LHX4: variants seen among roughly 807,000 people sequenced by gnomAD.
LHX4 encodes the protein LIM/homeobox protein Lhx4.
In LHX4, 16 loss-of-function variants were observed where a neutral mutation model predicts 39.2. That is an observed-to-expected ratio of 0.41 (90% confidence interval 0.28 to 0.62). The LOEUF is 0.62. Ranked by LOEUF, LHX4 falls within the 20% of genes least tolerant of loss-of-function variation. The pLI is 0.33. For synonymous variants in LHX4, 206 were observed against 198.1 expected (o/e 1.04, Z -0.33); for missense variants, 439 against 511.9 (o/e 0.86, Z 1.37).
rs1285649783 is a variant in LHX4 at position 180,255,380 on chromosome 1, ACACACACG to A, written c.248+6934_248+6941del. Among the ~76,000 whole-genome samples, 12 of 152,214 alleles carry A rather than the reference ACACACACG, an allele frequency of 7.9e-5. 1 individual carries two copies. The East Asian group carries it at 1.2e-3, about 15-fold the overall frequency. The stretch of plus-strand genomic sequence containing the variant: ...TGTATACACGCACACACACATGCAT[ACACACACG>A]CACACACGCGTGCACACACATGCAC... On this transcript the variant is annotated intron_variant, in intron 2 of 5. Coordinates refer to ENST00000263726, the MANE Select transcript of LHX4 (RefSeq NM_033343.4).
intron 2 of LHX4, among the ~76,000 whole-genome samples, chr1:180,252,648 T>C (rs928486848): frequency 6.6e-6 from 1 of 152,146 alleles, no homozygotes; most frequent in East Asian, 1.9e-4. Flanking sequence ...GGGGGCATCC[T>C]CCTGTCATAT....
At position 180,234,661 on chromosome 1, in the gene LHX4, A is replaced by G. The variant is rs1029299848; in HGVS notation, c.76+4056A>G. 6.6e-6 allele frequency among the ~76,000 whole-genome samples: 1 copy of G among 152,248 alleles called. No individual in the cohort carries two copies. Among genetic ancestry groups the G allele is most frequent in the African/African-American group, 2.4e-5 (1 of 41,478 alleles). Reference sequence around the variant, plus strand: ...TGTTAAAGCCGGACACGGAGCACGCAGGTGCAGCAGGTGAGGGGCAAAGGT... The same window carrying G: ...TGTTAAAGCCGGACACGGAGCACGCGGGTGCAGCAGGTGAGGGGCAAAGGT... On this transcript the variant is annotated intron_variant, in intron 1 of 5. Coordinates refer to ENST00000263726, the MANE Select transcript of LHX4 (RefSeq NM_033343.4). The surrounding 1 kb of genome is among the most constrained non-coding windows in gnomAD (Gnocchi z 4.8).
intron 2 of LHX4, among the ~76,000 whole-genome samples, chr1:180,254,112 G>A (rs989076395): frequency 1.3e-5 from 2 of 152,218 alleles, no homozygotes; most frequent in African/African-American, 4.8e-5. Context: ...TTCAAGCTGT[G>A]CCCCCAGCCA....
chr1:180,233,090 G>A, intron 1 of LHX4, among the ~76,000 whole-genome samples: 1 of 152,228 alleles, frequency 6.6e-6, no homozygotes, highest in East Asian at 1.9e-4. Context: ...GGGCATTTTA[G>A]AAGAAGTGAT....
intron 1 of LHX4, among the ~76,000 whole-genome samples, chr1:180,237,376 T>A (rs1664349291): frequency 6.6e-6 from 1 of 152,178 alleles, no homozygotes; most frequent in Non-Finnish European, 1.5e-5. Context: ...AGAAATCAAC[T>A]AAAATTAGAT....
At position 180,252,177 on chromosome 1, in the gene LHX4, G is replaced by A. The variant is rs10913954; in HGVS notation, c.248+3721G>A. On this transcript the variant is annotated intron_variant, in intron 2 of 5. Transcript: ENST00000263726. Reference sequence around the variant, plus strand: ...TGCTCCTCATCCCATCTCATTAGATGTCACCAGGCACCTCTTTCAGAGGGC... The same window carrying A: ...TGCTCCTCATCCCATCTCATTAGATATCACCAGGCACCTCTTTCAGAGGGC... Among the ~76,000 whole-genome samples, 943 of 152,310 alleles carry A rather than the reference G, an allele frequency of 6.2e-3. 10 individuals carry two copies. Among genetic ancestry groups the A allele is most frequent in the African/African-American group, 0.021 (891 of 41,550 alleles).
At chr1:180,265,258 A>G (rs1192932231) in intron 2 of LHX4, among the ~76,000 whole-genome samples, 1 of 152,178 alleles carries the variant, frequency 6.6e-6, no homozygotes, top group African/African-American at 2.4e-5. Context: ...GAAGAAGATA[A>G]AGTTCTGCTG....
At chr1:180,230,217 A>AGGGGGAGGGGGAAGGAGCGGGC (rs1664141329), upstream of LHX4, 10 of 414,020 alleles carry the variant, frequency 2.4e-5, no homozygotes, top group South Asian at 2.4e-4. This position sits in a 1 kb window ranked among gnomAD's most constrained non-coding sequence, Gnocchi z 5.8. Context: ...CGAAGGGTGG[A>AGGGGGAGGGGGAAGGAGCGGGC]GGGGGAGGGG....
upstream of LHX4, among the ~76,000 whole-genome samples, chr1:180,229,275 G>A (rs1249928043): frequency 2.6e-5 from 4 of 152,252 alleles, no homozygotes; most frequent in Non-Finnish European, 5.9e-5. Flanking sequence ...GGCAGAGCGG[G>A]CTCTAGGGAC....
rs6425616 is a variant in LHX4, at chr1:180,232,049, A to G, written c.76+1444A>G. ...GAGTTTACCGCTAAGATGTTTTCAT[A>G]GAAGGCATTGGAGATTCACTACGCC... On this transcript the variant is annotated intron_variant, in intron 1 of 5. Transcript: ENST00000263726. This position sits in a 1 kb window ranked among gnomAD's most constrained non-coding sequence, Gnocchi z 5.4. Among the ~76,000 whole-genome samples, 63,253 of 152,076 alleles carry G rather than the reference A, an allele frequency of 0.42. 13,540 individuals carry two copies. Among genetic ancestry groups the G allele is most frequent in the African/African-American group, 0.46 (18,885 of 41,460 alleles).
chr1:180,230,552 C>A lies in LHX4; in HGVS notation c.23C>A (p.Pro8His), dbSNP rs370108347. The A allele has an allele frequency of 1.9e-6, 3 of 1,613,966 alleles. No individual in the cohort carries two copies. Among genetic ancestry groups the A allele is most frequent in the Admixed American group, 3.3e-5 (2 of 60,020 alleles). The part of the protein sequence containing the change: MMQSATV[P>H]AEGAVKGLPE... Reference sequence around the variant, plus strand: ...GAGATGATGCAGAGTGCGACTGTCCCCGCGGAAGGGGCTGTCAAGGGGCTC... The same window carrying A: ...GAGATGATGCAGAGTGCGACTGTCCACGCGGAAGGGGCTGTCAAGGGGCTC... The change falls in exon 1 of 6, where the codon CCC becomes CAC. Residue 8 changes from proline (P) to histidine (H), a missense_variant. Transcript: ENST00000263726. This position sits in a 1 kb window ranked among gnomAD's most constrained non-coding sequence, Gnocchi z 5.8.
At chr1:180,263,748 GGT>G (rs1307506013) in intron 2 of LHX4, among the ~76,000 whole-genome samples, 1 of 152,166 alleles carries the variant, frequency 6.6e-6, no homozygotes, top group Admixed American at 6.5e-5. Context: ...CTGGTGTGCT[GGT>G]GTCAGCTGGG....
intron 1 of LHX4, among the ~76,000 whole-genome samples, chr1:180,240,191 T>C (rs1664415205): frequency 6.6e-6 from 1 of 152,202 alleles, no homozygotes; most frequent in African/African-American, 2.4e-5. Flanking sequence ...TAAATAAACA[T>C]TATTCCCTTT....
intron 1 of LHX4, among the ~76,000 whole-genome samples, chr1:180,238,835 G>A (rs1277380093): frequency 6.6e-6 from 1 of 152,192 alleles, no homozygotes; most frequent in South Asian, 2.1e-4. Flanking sequence ...AAAGAGCCAG[G>A]GTTGGGGGGC....
rs1346422515 is a variant in LHX4 at position 180,276,679 on chromosome 1, C to T, written c.*2100C>T. 6.6e-6 allele frequency: 1 copy of T among 152,114 alleles called. No homozygotes were observed. Among genetic ancestry groups the T allele is most frequent in the Non-Finnish European group, 1.5e-5 (1 of 68,036 alleles). 9.4% of individuals were successfully genotyped at this position (152,114 alleles called of 1,614,324 possible). Reference sequence around the variant, plus strand: ...TTCTTAGCAGGCTGCTTAAAATACACAGGAGAAAAGGCTCTGCTGGGCAAT... The same window carrying T: ...TTCTTAGCAGGCTGCTTAAAATACATAGGAGAAAAGGCTCTGCTGGGCAAT... On this transcript the variant is annotated 3_prime_UTR_variant, in exon 6 of 6. Transcript: ENST00000263726.
chr1:180,249,504 G>T lies in LHX4; in HGVS notation c.248+1048G>T, dbSNP rs538139571. On this transcript the variant is annotated intron_variant, in intron 2 of 5. Transcript: ENST00000263726. ...CCCTGTGTTCAGTCACACCAGCCTG[G>T]GTGGCCCAGGGGGCGCCAGGGAGGC... Among the ~76,000 whole-genome samples the T allele has an allele frequency of 2.6e-5, 4 of 152,368 alleles. No homozygotes were observed. The East Asian group carries it at 7.7e-4, about 29-fold the overall frequency.
chr1:180,240,589 A>C (rs1664423669), intron 1 of LHX4, among the ~76,000 whole-genome samples: 1 of 152,198 alleles, frequency 6.6e-6, no homozygotes, highest in Non-Finnish European at 1.5e-5. Context: ...AAAATCGATC[A>C]AACAAACACA....
At position 180,266,897 on chromosome 1, in the gene LHX4, C is replaced by T. The variant is rs559013870; in HGVS notation, c.451+303C>T. Among the ~76,000 whole-genome samples the T allele has an allele frequency of 4.6e-5, 7 of 152,306 alleles. No individual in the cohort carries two copies. The highest frequency in any genetic ancestry group is 3.3e-4 in the Admixed American group (5 of 15,304). On this transcript the variant is annotated intron_variant, in intron 3 of 5. Coordinates refer to ENST00000263726, the MANE Select transcript of LHX4 (RefSeq NM_033343.4). The surrounding 1 kb of genome is among the most constrained non-coding windows in gnomAD (Gnocchi z 5.7). ...CTGGTTGTTACCATGGTGGTGGCCTCCTTCCCTGGGTGGAGGCTGGGGTGC... is the reference window on the plus strand; with the variant it reads ...CTGGTTGTTACCATGGTGGTGGCCTTCTTCCCTGGGTGGAGGCTGGGGTGC...
chr1:180,278,948 G>A lies in LHX4; in HGVS notation c.*4369G>A, dbSNP rs538830460. On this transcript the variant is annotated 3_prime_UTR_variant, in exon 6 of 6. Coordinates refer to ENST00000263726, the MANE Select transcript of LHX4 (RefSeq NM_033343.4). ...TGTGTGTTGGCATGAGATGTGTACGGTAAAATTATGTAAAATAAATATGGA... is the reference window on the plus strand; with the variant it reads ...TGTGTGTTGGCATGAGATGTGTACGATAAAATTATGTAAAATAAATATGGA... 116 of 152,298 alleles carry A rather than the reference G, an allele frequency of 7.6e-4. No homozygotes were observed. Among genetic ancestry groups the A allele is most frequent in the African/African-American group, 2.6e-3 (109 of 41,568 alleles). The allele number at this position is 152,298 out of a possible 1,614,324, so 9.4% of individuals were successfully genotyped here.
Sources: allele counts gnomAD v4.1 joint callset (sites outside exome capture counted in the v4.1 genomes callset), GRCh38; gene constraint gnomAD v4.1.1; non-coding constraint Gnocchi (gnomAD v3.1); transcripts MANE v1.5; gene names NCBI Gene and HGNC (gene_info 2026-07-23, HGNC 2026-07-21).